LRRC4C: variants seen among roughly 807,000 people sequenced by gnomAD.
LRRC4C encodes the protein leucine rich repeat containing 4C.
In LRRC4C, 5 loss-of-function variants were observed where a neutral mutation model predicts 33.6. The ratio of observed to expected loss-of-function variants is 0.15; its 90% CI spans 0.08 to 0.31. The LOEUF (loss-of-function observed/expected upper bound fraction) is 0.31, where lower values mean the gene tolerates loss of function less well. Ranked by LOEUF, LRRC4C falls within the 10% of genes least tolerant of loss-of-function variation. The probability of loss-of-function intolerance (pLI) is 1.00; values close to 1 mark genes in which losing one functional copy is unlikely to be tolerated. For missense variants in LRRC4C, 560 were observed against 796.7 expected (o/e 0.70, Z 3.58); for synonymous variants, 329 against 302.0 (o/e 1.09, Z -0.93).
At chr11:41,066,682 C>T (rs887098024) in intron 1 of LRRC4C, among the ~76,000 whole-genome samples, 1 of 152,100 alleles carries the variant, frequency 6.6e-6, no homozygotes. Flanking sequence ...AGGTCACCGA[C>T]AAAGGGAAGC....
intron 1 of LRRC4C, among the ~76,000 whole-genome samples, chr11:40,971,466 T>C (rs560021446): frequency 6.6e-6 from 1 of 152,278 alleles, no homozygotes; most frequent in African/African-American, 2.4e-5. Flanking sequence ...AGTTAAGACT[T>C]GGGAGCCCCC....
At chr11:40,423,339 CTTTT>C (rs35819704) in intron 3 of LRRC4C, among the ~76,000 whole-genome samples, 1 of 90,932 alleles carries the variant, frequency 1.1e-5, no homozygotes. Context: ...TGTTCATGTT[CTTTT>C]TTTTTTTTTT....
chr11:40,986,546 T>G (rs1263351013), intron 1 of LRRC4C, among the ~76,000 whole-genome samples: 1 of 151,940 alleles, frequency 6.6e-6, no homozygotes, highest in Non-Finnish European at 1.5e-5. Context: ...GGGCCATGAT[T>G]ACATCACTGC....
chr11:41,093,941 A>AC (rs1206964002), intron 1 of LRRC4C, among the ~76,000 whole-genome samples: 1 of 150,022 alleles, frequency 6.7e-6, no homozygotes, highest in Non-Finnish European at 1.5e-5. Flanking sequence ...AAAAAAAAAA[A>AC]AAAAAAAAAC....
chr11:40,310,504 C>T (rs897216580), intron 4 of LRRC4C, among the ~76,000 whole-genome samples: 1 of 152,152 alleles, frequency 6.6e-6, no homozygotes, highest in Non-Finnish European at 1.5e-5. Flanking sequence ...AATCAGAACT[C>T]TCTATAATCG....
chr11:40,843,640 G>C (rs576522127), intron 2 of LRRC4C, among the ~76,000 whole-genome samples: 2 of 152,052 alleles, frequency 1.3e-5, no homozygotes, highest in African/African-American at 2.4e-5. Flanking sequence ...CATTGGTAAG[G>C]ATACAAAGCA....
intron 2 of LRRC4C, among the ~76,000 whole-genome samples, chr11:40,739,667 A>G (rs1005699470): frequency 6.6e-6 from 1 of 151,992 alleles, no homozygotes; most frequent in Non-Finnish European, 1.5e-5. Flanking sequence ...TTCTTGTGAT[A>G]TTGAGTGAGT....
intron 2 of LRRC4C, among the ~76,000 whole-genome samples, chr11:40,727,222 T>C (rs1485639038): frequency 6.6e-6 from 1 of 152,062 alleles, no homozygotes; most frequent in Non-Finnish European, 1.5e-5. Flanking sequence ...ACTAGACACT[T>C]AGACCAATGG....
intron 1 of LRRC4C, among the ~76,000 whole-genome samples, chr11:40,999,655 A>ATT (rs146330865): frequency 6.6e-6 from 1 of 151,966 alleles, no homozygotes; most frequent in Non-Finnish European, 1.5e-5. Flanking sequence ...TCAGATCAAT[A>ATT]TTTTTTTTAA....
Position 41,039,294 on chromosome 11 carries a change from ATAT to A in LRRC4C, c.-495-105574_-495-105572del, listed in dbSNP as rs142958816. ...TGTTTCATTTCTAAAAATTGTTTCC[ATAT>A]TATTATGTGTTTTCCCCACATAAAT... On this transcript the variant is annotated intron_variant, in intron 1 of 6. Coordinates refer to ENST00000528697, the MANE Select transcript of LRRC4C (RefSeq NM_001258419.2). Among the ~76,000 whole-genome samples, 759 of 152,256 alleles carry A rather than the reference ATAT, an allele frequency of 5.0e-3. 5 individuals are homozygous for A. Among genetic ancestry groups the A allele is most frequent in the African/African-American group, 0.017 (726 of 41,556 alleles).
Position 40,585,249 on chromosome 11 carries a change from C to T in LRRC4C, c.-270+62893G>A, listed in dbSNP as rs574154817. Among the ~76,000 whole-genome samples, 81 of 152,188 alleles carry T rather than the reference C, an allele frequency of 5.3e-4. 1 individual carries two copies. Among genetic ancestry groups the T allele is most frequent in the Non-Finnish European group, 8.7e-4 (59 of 68,014 alleles). ...AGCCTCTCCCTCTGTAACCCAAAATCGGAAGACTAGATAGCTTCCTCTGCC... is the reference window on the plus strand; with the variant it reads ...AGCCTCTCCCTCTGTAACCCAAAATTGGAAGACTAGATAGCTTCCTCTGCC... On this transcript the variant is annotated intron_variant, in intron 3 of 6. Transcript: ENST00000528697.
At chr11:40,359,204 C>T (rs1251171466) in intron 3 of LRRC4C, among the ~76,000 whole-genome samples, 2 of 152,184 alleles carry the variant, frequency 1.3e-5, no homozygotes, top group Admixed American at 1.3e-4. Context: ...CTCTCAAAAG[C>T]AGGATACCAG....
chr11:40,223,651 C>T (rs1039779807), intron 5 of LRRC4C, among the ~76,000 whole-genome samples: 22 of 152,164 alleles, frequency 1.4e-4, no homozygotes, highest in Non-Finnish European at 1.3e-4. Flanking sequence ...ATTTGTGTTA[C>T]TGGACAATCA....
chr11:41,221,648 C>T (rs1378150577), intron 1 of LRRC4C, among the ~76,000 whole-genome samples: 1 of 152,054 alleles, frequency 6.6e-6, no homozygotes, highest in Non-Finnish European at 1.5e-5. Flanking sequence ...ATGGAATCAA[C>T]CTAAATGCCC....
chr11:40,479,735 C>A (rs754940241), intron 3 of LRRC4C, among the ~76,000 whole-genome samples: 1 of 151,918 alleles, frequency 6.6e-6, no homozygotes, highest in Non-Finnish European at 1.5e-5. Context: ...GAAAACCCAA[C>A]GTTTGTTTTC....
Position 40,851,634 on chromosome 11 carries a change from C to T in LRRC4C, c.-407+82001G>A, listed in dbSNP as rs145876319. Among the ~76,000 whole-genome samples, 369 of 151,960 alleles carry T rather than the reference C, an allele frequency of 2.4e-3. 1 individual carries two copies. Among genetic ancestry groups the T allele is most frequent in the African/African-American group, 6.8e-3 (282 of 41,458 alleles). ...TAATTTAAAAAACAAATGAAAACAGCCAAAAGGAAAAAAAAGACAAACTGT... is the reference window on the plus strand; with the variant it reads ...TAATTTAAAAAACAAATGAAAACAGTCAAAAGGAAAAAAAAGACAAACTGT... On this transcript the variant is annotated intron_variant, in intron 2 of 6. Coordinates refer to ENST00000528697, the MANE Select transcript of LRRC4C (RefSeq NM_001258419.2).
chr11:41,250,615 T>G, intron 1 of LRRC4C, among the ~76,000 whole-genome samples: 1 of 152,218 alleles, frequency 6.6e-6, no homozygotes, highest in Non-Finnish European at 1.5e-5. Context: ...TGGCATTTTT[T>G]TAGCTTGCTT....
intron 3 of LRRC4C, among the ~76,000 whole-genome samples, chr11:40,499,142 G>A (rs775267373): frequency 1.3e-5 from 2 of 152,170 alleles, no homozygotes; most frequent in African/African-American, 4.8e-5. Flanking sequence ...CTGCTGGAGA[G>A]AGGATGGGAA....
At chr11:41,191,798 A>C (rs1300756313) in intron 1 of LRRC4C, among the ~76,000 whole-genome samples, 2 of 152,164 alleles carry the variant, frequency 1.3e-5, no homozygotes, top group Admixed American at 1.3e-4. Flanking sequence ...ATACTTGGAA[A>C]AGGGTTCTGC....
Sources: allele counts gnomAD v4.1 joint callset (sites outside exome capture counted in the v4.1 genomes callset), GRCh38; gene constraint gnomAD v4.1.1; transcripts MANE v1.5; gene names NCBI Gene and HGNC (gene_info 2026-07-23, HGNC 2026-07-21).